The following LARS1 variants were observed in gnomAD, a reference collection of about 807,000 sequenced individuals.
LARS1 encodes leucyl-tRNA synthetase 1.
A neutral mutation model predicts 162.8 loss-of-function variants in LARS1; 100 were observed. The observed-to-expected ratio is 0.61, with a 90% confidence interval of 0.52 to 0.73. LARS1 has a LOEUF of 0.73. LARS1 is among the 30% of genes least tolerant of loss of function. The pLI, the probability that LARS1 is intolerant of heterozygous loss-of-function variation, is 0.00. For synonymous variants in LARS1, 457 were observed against 462.8 expected (o/e 0.99, Z 0.16); for missense variants, 1,258 against 1,408.9 (o/e 0.89, Z 1.71).
At position 146,135,171 on chromosome 5, in the gene LARS1, A is replaced by AT. The variant is rs752951458; in HGVS notation, c.2212+429dup. Among the ~76,000 whole-genome samples, 925 of 138,596 alleles carry AT rather than the reference A, an allele frequency of 6.7e-3. 4 individuals carry two copies. The highest frequency in any genetic ancestry group is 0.015 in the African/African-American group (553 of 37,900). The allele number at this position is 138,596 out of a possible 152,430, so 90.9% of individuals were successfully genotyped here. Reference sequence around the variant, plus strand: ...AGGCACCTGCCACCACACCCAGCTAATTTTTTTTTTTTTTTTTGTATTTTT... The same window carrying AT: ...AGGCACCTGCCACCACACCCAGCTAATTTTTTTTTTTTTTTTTTGTATTTTT... On this transcript the variant is annotated intron_variant, in intron 22 of 31. Coordinates refer to ENST00000394434, the MANE Select transcript of LARS1 (RefSeq NM_020117.11).
intron 15 of LARS1, among the ~76,000 whole-genome samples, chr5:146,149,337 A>G (rs777406215): frequency 3.9e-5 from 6 of 152,224 alleles, no homozygotes; most frequent in Admixed American, 6.5e-5. Context: ...CCACAGAAAG[A>G]AAGGATTGTA....
chr5:146,178,171 T>C (rs1347907257), intron 1 of LARS1, among the ~76,000 whole-genome samples: 4 of 152,192 alleles, frequency 2.6e-5, no homozygotes, highest in African/African-American at 9.6e-5. Flanking sequence ...TACTGAAATA[T>C]GTAAAAGGCT....
intron 15 of LARS1, among the ~76,000 whole-genome samples, chr5:146,146,889 T>G (rs73315779): frequency 0.029 from 4,376 of 151,730 alleles, 217 homozygotes; most frequent in African/African-American, 0.1. Flanking sequence ...AATTTTTGTG[T>G]TTTCAGTAGA....
At chr5:146,179,703 A>G in intron 1 of LARS1, 1 of 437,756 alleles carries the variant, frequency 2.3e-6, no homozygotes, top group East Asian at 7.9e-5. Flanking sequence ...GGGCTCAATC[A>G]ATCTTCCCAT....
chr5:146,139,489 A>G (rs1193717806), intron 21 of LARS1: 1 of 152,026 alleles, frequency 6.6e-6, no homozygotes, highest in Non-Finnish European at 1.5e-5. Flanking sequence ...ACCTTTGGCC[A>G]CTCTAAATAC....
chr5:146,179,791 C>A, intron 1 of LARS1: 1 of 277,868 alleles, frequency 3.6e-6, no homozygotes, highest in Non-Finnish European at 7.7e-6. Context: ...TTTGTAGAGA[C>A]AGGGTTTCAC....
chr5:146,174,620 A>G (rs1298494804), intron 2 of LARS1, among the ~76,000 whole-genome samples: 1 of 141,424 alleles, frequency 7.1e-6, no homozygotes, highest in Admixed American at 7.8e-5. Context: ...ATTAGAATAT[A>G]GCTTAATAAG....
chr5:146,179,843 T>C (rs1056714491), intron 1 of LARS1, among the ~76,000 whole-genome samples: 17 of 152,194 alleles, frequency 1.1e-4, no homozygotes, highest in African/African-American at 4.1e-4. Flanking sequence ...GCTCAAGCAA[T>C]CCACCAGCCT....
intron 29 of LARS1, among the ~76,000 whole-genome samples, chr5:146,123,333 G>A (rs1485601218): frequency 2.0e-5 from 3 of 151,682 alleles, no homozygotes; most frequent in South Asian, 2.1e-4. Flanking sequence ...GCTTATTTAC[G>A]ATCTATATAT....
Position 146,172,777 on chromosome 5 carries a change from G to A in LARS1, c.126-3C>T. On this transcript the variant is annotated splice_polypyrimidine_tract_variant and splice_region_variant and intron_variant, in intron 2 of 31. Coordinates refer to ENST00000394434, the MANE Select transcript of LARS1 (RefSeq NM_020117.11). ...AGGTTACAAAATACTTGCCCTTGCT[G>A]CAAAACAACAGTATAAAAAAGAAAG... 1 of 1,515,652 alleles carries A rather than the reference G, an allele frequency of 6.6e-7. No homozygotes were observed. The highest frequency in any genetic ancestry group is 1.3e-5 in the South Asian group (1 of 77,082). 93.9% of individuals were successfully genotyped at this position (1,515,652 alleles called of 1,614,324 possible).
chr5:146,135,973 A>AG (rs1752483684), intron 21 of LARS1, among the ~76,000 whole-genome samples: 1 of 152,220 alleles, frequency 6.6e-6, no homozygotes, highest in African/African-American at 2.4e-5. Flanking sequence ...CTATAACTCT[A>AG]GAACACCACC....
rs745356856 is a variant in LARS1, at chr5:146,114,171, T to C, written c.3466A>G (p.Ile1156Val). Residue 1156 changes from isoleucine to valine, a missense_variant, in exon 32 of 32, where the codon ATT becomes GTT. Coordinates refer to ENST00000394434, the MANE Select transcript of LARS1 (RefSeq NM_020117.11). ...CTTATCCCATTCTCAGTCAGATGAA[T>C]TTTCTTGCTCATGAGGTCCACATTG... ...VFNVDLMSKKIHLTENGIRVD... is the reference protein window; with the variant it reads ...VFNVDLMSKKVHLTENGIRVD... 2 of 1,613,832 alleles carry C rather than the reference T, an allele frequency of 1.2e-6. No homozygotes were observed. Among genetic ancestry groups the C allele is most frequent in the Non-Finnish European group, 8.5e-7 (1 of 1,179,958 alleles).
At position 146,164,311 on chromosome 5, in the gene LARS1, T is replaced by G; in HGVS notation, c.593A>C (p.Lys198Thr). 1.2e-6 allele frequency: 2 copies of G among 1,613,682 alleles called. No individual in the cohort carries two copies. The highest frequency in any genetic ancestry group is 3.3e-4 in the Middle Eastern group (2 of 6,050). Residue 198 changes from lysine (K) to threonine (T), a missense_variant and splice_region_variant, in exon 6 of 32, where the codon AAG (lysine) becomes ACG (threonine). Lys to Thr is a moderately conservative substitution (Grantham distance 78, BLOSUM62 -1). Transcript: ENST00000394434. The stretch of plus-strand genomic sequence containing the variant: ...CTCATATTTCCTTTATAGACATACC[T>G]TCAAACCCATTCTTTTTAAATCCTG... ...AIQDLKRMGL[K>T]VDWRRSFITT... is the part of the protein sequence containing the mutation.
At chr5:146,138,422 A>AG (rs1158797125) in intron 21 of LARS1, 142 of 152,330 alleles carry the variant, frequency 9.3e-4, no homozygotes, top group Middle Eastern at 6.6e-3. Flanking sequence ...TTTGTTAAAA[A>AG]GGAAAAAAAA....
chr5:146,142,824 C>T (rs113273108), intron 20 of LARS1, 48 bp downstream of exon 20: 1 of 1,379,410 alleles, frequency 7.2e-7, no homozygotes, highest in East Asian at 2.3e-5. Flanking sequence ...CACAAGACAC[C>T]CCTATTGACA....
intron 31 of LARS1, among the ~76,000 whole-genome samples, chr5:146,117,919 AT>A (rs1751631312): frequency 3.9e-5 from 6 of 152,238 alleles, no homozygotes; most frequent in Admixed American, 3.9e-4. Flanking sequence ...GCGAATGTAA[AT>A]TTGTATAGCC....
chr5:146,151,341 T>C (rs1753280620), intron 14 of LARS1, among the ~76,000 whole-genome samples: 1 of 152,224 alleles, frequency 6.6e-6, no homozygotes, highest in South Asian at 2.1e-4. Context: ...ATAACTTGTT[T>C]GGATTTTTAT....
At chr5:146,138,933 C>A in intron 21 of LARS1, 1 of 347,276 alleles carries the variant, frequency 2.9e-6, no homozygotes, top group South Asian at 2.6e-5. Flanking sequence ...TGGTTCATGC[C>A]AAATTCCTAA....
chr5:146,144,702 G>A lies in LARS1; in HGVS notation c.1511C>T (p.Ala504Val), dbSNP rs999809526. 1.4e-5 allele frequency: 22 copies of A among 1,613,050 alleles called. No individual in the cohort carries two copies. Among genetic ancestry groups the A allele is most frequent in the Non-Finnish European group, 8.5e-7 (1 of 1,179,362 alleles). ...IQKKMIDAGD[A>V]LIYMEPEKQV... ...TTTCTCTGGTTCCATGTAAATAAGT[G>A]CATCTCCCTAAAGGAAGGTAAATAA... Residue 504 changes from alanine to valine, a missense_variant, in exon 16 of 32, where the codon GCA (alanine) becomes GTA (valine). Physicochemically the swap from Ala to Val is moderately conservative, Grantham distance 64 (BLOSUM62 0). Coordinates refer to ENST00000394434, the MANE Select transcript of LARS1 (RefSeq NM_020117.11).
Sources: gnomAD v4.1 joint callset for allele counts (sites outside exome capture counted in the v4.1 genomes callset) on GRCh38, gnomAD v4.1.1 for gene constraint, MANE v1.5 for transcripts, NCBI Gene and HGNC (gene_info 2026-07-23, HGNC 2026-07-21) for gene names.